The following COL6A6 variants were observed in gnomAD, a reference collection of about 807,000 sequenced individuals.
COL6A6 encodes collagen alpha-6(VI) chain.
Under a neutral mutation model 208.6 loss-of-function variants are expected in COL6A6, and 183 were observed. The observed-to-expected ratio is 0.88, with a 90% CI of 0.78 to 0.99. The LOEUF is 0.99. Ranked by LOEUF, COL6A6 falls within the 50% of genes least tolerant of loss-of-function variation. The probability of loss-of-function intolerance (pLI) is 0.00; values close to 1 mark genes in which losing one functional copy is unlikely to be tolerated. For synonymous variants in COL6A6, 973 were observed against 1,011.8 expected, an observed-to-expected ratio of 0.96 and a Z score of 0.73; for missense variants, 2,816 against 2,815.2, an observed-to-expected ratio of 1.00 and a Z score of -0.01.
At chr3:130,639,925 GAA>G (rs889583619) in intron 28 of COL6A6, among the ~76,000 whole-genome samples, 2 of 152,090 alleles carry the variant, frequency 1.3e-5, no homozygotes, top group African/African-American at 4.8e-5. Flanking sequence ...GAGCCATATA[GAA>G]AAAGAGAGCT....
intron 27 of COL6A6, among the ~76,000 whole-genome samples, 187 bp from the exon 28 acceptor site, chr3:130,635,512 T>G (rs1356509024): frequency 6.6e-6 from 1 of 152,176 alleles, no homozygotes; most frequent in Non-Finnish European, 1.5e-5. Context: ...AGTGAAACAA[T>G]GCTGACGCAG....
chr3:130,615,502 A>G (rs912560988), intron 23 of COL6A6, among the ~76,000 whole-genome samples: 2 of 152,168 alleles, frequency 1.3e-5, no homozygotes, highest in Non-Finnish European at 2.9e-5. Flanking sequence ...TCCTGCCTGC[A>G]TGATCTGCCT....
chr3:130,559,162 T>C (rs1217542945), intron 1 of COL6A6, among the ~76,000 whole-genome samples: 1 of 152,176 alleles, frequency 6.6e-6, no homozygotes, highest in Non-Finnish European at 1.5e-5. Flanking sequence ...GTTATACACA[T>C]TAATAAAAAT....
intron 32 of COL6A6, among the ~76,000 whole-genome samples, chr3:130,648,814 C>G (rs958741485): frequency 6.6e-6 from 1 of 152,236 alleles, no homozygotes; most frequent in South Asian, 2.1e-4. Context: ...TGATAATGAA[C>G]TTTAACATTT....
intron 35 of COL6A6, among the ~76,000 whole-genome samples, chr3:130,663,232 T>A (rs575155696): frequency 1.6e-4 from 24 of 152,142 alleles, no homozygotes; most frequent in South Asian, 1.0e-3. Context: ...GAGATTGTTG[T>A]TGGGGCTGAT....
chr3:130,542,457 G>A (rs936835853), intron 1 of COL6A6, among the ~76,000 whole-genome samples: 1 of 152,020 alleles, frequency 6.6e-6, no homozygotes, highest in Non-Finnish European at 1.5e-5. Context: ...GTCTATCTTG[G>A]TGAATGTTCC....
At chr3:130,595,142 C>G (rs2108099390) in intron 18 of COL6A6, among the ~76,000 whole-genome samples, 1 of 152,106 alleles carries the variant, frequency 6.6e-6, no homozygotes, top group South Asian at 2.1e-4. Context: ...AGGCACTGCC[C>G]TTGCAGGAGC....
chr3:130,539,995 G>C (rs963153581), intron 1 of COL6A6, among the ~76,000 whole-genome samples: 2 of 151,904 alleles, frequency 1.3e-5, no homozygotes, highest in Admixed American at 6.6e-5. Flanking sequence ...CTCATTTATG[G>C]GTCCTTGCAA....
Position 130,675,371 on chromosome 3 carries a change from G to T in COL6A6, c.6766G>T (p.Glu2256Ter). Residue 2256 changes from glutamate (E) to a stop codon, truncating the protein, a stop_gained, in exon 37 of 37, where the codon GAA becomes TAA. Coordinates refer to ENST00000358511, the MANE Select transcript of COL6A6 (RefSeq NM_001102608.3). LOFTEE classifies it low-confidence loss of function (END_TRUNC). ...SHTFKNGRMI[E>*]SAPKQHD ...TACCTTTAAGAATGGAAGGATGATA[G>T]AAAGTGCTCCCAAACAACATGATTA... 6.3e-7 allele frequency: 1 copy of T among 1,591,914 alleles called. No homozygotes were observed.
chr3:130,594,207 A>G, intron 17 of COL6A6, 74 bp from the exon 18 acceptor site: 3 of 1,141,860 alleles, frequency 2.6e-6, no homozygotes, highest in East Asian at 4.8e-5. Flanking sequence ...CACCAGGGAG[A>G]AGAAAAGCTC....
At position 130,599,809 on chromosome 3, in the gene COL6A6, CAGTA is replaced by C. The variant is rs773498011; in HGVS notation, c.4653+2_4653+5del. The C allele has an allele frequency of 1.7e-5, 27 of 1,613,538 alleles. No homozygotes were observed. In the East Asian group the frequency reaches 4.9e-4, roughly 29 times the overall value. ...GGGACACCAGGCTCCAGAAGAAAGACAGTAAGAGCCCTTCTAGACAAGGAGACCC... is the reference window on the plus strand; with the variant it reads ...GGGACACCAGGCTCCAGAAGAAAGACAGAGCCCTTCTAGACAAGGAGACCC... On this transcript the variant is annotated splice_donor_variant and splice_donor_region_variant and coding_sequence_variant and intron_variant, in exon 20 of 37. Transcript: ENST00000358511. LOFTEE classifies it high-confidence loss of function.
At position 130,675,585 on chromosome 3, in the gene COL6A6, C is replaced by CGA. The variant is rs1023561488; in HGVS notation, c.*189_*190dup. The CGA allele has an allele frequency of 3.4e-5, 16 of 464,592 alleles. No individual in the cohort carries two copies. Among genetic ancestry groups the CGA allele is most frequent in the Admixed American group, 1.8e-4 (5 of 27,440 alleles). 28.8% of individuals were successfully genotyped at this position (464,592 alleles called of 1,614,324 possible). A position where few individuals can be genotyped will look rare whatever the true frequency, so the allele number is the denominator to read the frequency against. ...CACTCCTGACAATTCCAGCACTCTA[C>CGA]GACTGATATGTCGAAGAACTGTTTC... On this transcript the variant is annotated 3_prime_UTR_variant, in exon 37 of 37. Coordinates refer to ENST00000358511, the MANE Select transcript of COL6A6 (RefSeq NM_001102608.3).
At chr3:130,634,908 T>C (rs527757761) in intron 27 of COL6A6, among the ~76,000 whole-genome samples, 6 of 152,352 alleles carry the variant, frequency 3.9e-5, no homozygotes, top group African/African-American at 1.4e-4. Flanking sequence ...TCCTTCCCTC[T>C]ATCATATATA....
At chr3:130,664,442 T>A (rs2108469773) in intron 35 of COL6A6, among the ~76,000 whole-genome samples, 1 of 152,318 alleles carries the variant, frequency 6.6e-6, no homozygotes, top group Non-Finnish European at 1.5e-5. Flanking sequence ...AAGAAATAGA[T>A]AATACATTTT....
At chr3:130,531,221 C>T (rs1055228874) in intron 1 of COL6A6, among the ~76,000 whole-genome samples, 3 of 152,066 alleles carry the variant, frequency 2.0e-5, no homozygotes, top group Non-Finnish European at 4.4e-5. Flanking sequence ...CTTCGGGCTG[C>T]ACAATTCTTT....
At chr3:130,553,054 T>C (rs1447136191) in intron 1 of COL6A6, among the ~76,000 whole-genome samples, 1 of 152,206 alleles carries the variant, frequency 6.6e-6, no homozygotes, top group Non-Finnish European at 1.5e-5. Flanking sequence ...GACCTGCCCC[T>C]TTTCACTAGC....
intron 21 of COL6A6, among the ~76,000 whole-genome samples, chr3:130,607,609 A>G (rs892498711): frequency 1.3e-5 from 2 of 152,230 alleles, no homozygotes; most frequent in African/African-American, 2.4e-5. Context: ...ACCACAGAGA[A>G]AAGATAGCTT....
chr3:130,654,272 T>C (rs1480381002), intron 33 of COL6A6, among the ~76,000 whole-genome samples: 3 of 151,692 alleles, frequency 2.0e-5, no homozygotes, highest in Non-Finnish European at 4.4e-5. Context: ...TCATTCCTGA[T>C]TTCTTCTAGA....
chr3:130,556,417 A>G (rs1192360971), intron 1 of COL6A6, among the ~76,000 whole-genome samples: 1 of 152,218 alleles, frequency 6.6e-6, no homozygotes, highest in Non-Finnish European at 1.5e-5. Flanking sequence ...TAAAAGATTC[A>G]GATAATCTGT....
Sources: allele counts gnomAD v4.1 joint callset (sites outside exome capture counted in the v4.1 genomes callset), GRCh38; gene constraint gnomAD v4.1.1; transcripts MANE v1.5; gene names NCBI Gene and HGNC (gene_info 2026-07-23, HGNC 2026-07-21).